QARS1: variants seen among roughly 807,000 people sequenced by gnomAD.
The protein encoded by QARS1 is glutamine--tRNA ligase.
In QARS1, 79 loss-of-function variants were observed where a neutral mutation model predicts 106.9. That is an observed-to-expected ratio of 0.74 (90% CI 0.62 to 0.89). The LOEUF (loss-of-function observed/expected upper bound fraction) is 0.89, where lower values mean the gene tolerates loss of function less well. Ranked by LOEUF, QARS1 falls within the 40% of genes least tolerant of loss-of-function variation. The pLI, the probability that QARS1 is intolerant of heterozygous loss-of-function variation, is 0.00. For missense variants in QARS1, 966 were observed against 997.2 expected, an observed-to-expected ratio of 0.97 and a Z score of 0.42; for synonymous variants, 395 against 367.7, an observed-to-expected ratio of 1.07 and a Z score of -0.85.
At chr3:49,104,153 C>T in intron 2 of QARS1, 171 bp downstream of exon 2, 1 of 1,169,868 alleles carries the variant, frequency 8.5e-7, no homozygotes, top group Non-Finnish European at 1.3e-6. Context: ...CCCCCTCAGA[C>T]CCTGACAGTT....
intron 19 of QARS1, 91 bp downstream of exon 19, chr3:49,098,794 A>G (rs2042426518): frequency 6.7e-7 from 1 of 1,499,546 alleles, no homozygotes; most frequent in African/African-American, 1.4e-5. Flanking sequence ...CATCTGAAGC[A>G]GGAAGTAGAT....
intron 19 of QARS1, 43 bp downstream of exon 19, chr3:49,098,842 C>G: frequency 6.4e-7 from 1 of 1,552,538 alleles, no homozygotes; most frequent in Non-Finnish European, 8.9e-7. Context: ...GTTCCCAGTA[C>G]CAGACTCAGC....
chr3:49,098,018 C>T lies in QARS1; in HGVS notation c.2251G>A (p.Val751Met), dbSNP rs781617872. 9.9e-6 allele frequency: 16 copies of T among 1,614,044 alleles called. No homozygotes were observed. The highest frequency in any genetic ancestry group is 4.4e-5 in the South Asian group (4 of 91,088). ...TTTCCCTGATGGCTGTCTGGATCCA[C>T]GGAGAAATATCCAAGACGCTCAAAC... is the stretch of plus-strand genomic sequence containing the variant. The part of the protein sequence containing the change: ...FQFERLGYFS[V>M]DPDSHQGKLV... The change falls in exon 23 of 24, where the codon GTG becomes ATG. Residue 751 changes from valine (V) to methionine (M), a missense_variant. Val to Met is a conservative substitution (Grantham distance 21, BLOSUM62 1). Transcript: ENST00000306125.
chr3:49,102,669 C>G, intron 5 of QARS1, 197 bp from the exon 6 acceptor site: 1 of 645,316 alleles, frequency 1.5e-6, no homozygotes. Flanking sequence ...AGACTGGAGT[C>G]TTGCTCATGT....
Position 49,100,470 on chromosome 3 carries a change from TGAAA to T in QARS1, c.977-16_977-13del, listed in dbSNP as rs1239278165. The T allele has an allele frequency of 1.9e-6, 3 of 1,613,752 alleles. No homozygotes were observed. The highest frequency in any genetic ancestry group is 1.1e-5 in the South Asian group (1 of 91,080). On this transcript the variant is annotated splice_polypyrimidine_tract_variant and intron_variant, in intron 11 of 23. Coordinates refer to ENST00000306125, the MANE Select transcript of QARS1 (RefSeq NM_005051.3). ...GTAAGGTGTGTAGCCTGGGGCAAAA[TGAAA>T]CAAAGTATGAGCAGCCAGCCACAAA...
intron 4 of QARS1, 86 bp from the exon 5 acceptor site, chr3:49,103,495 A>G (rs1489180749): frequency 7.0e-6 from 11 of 1,579,304 alleles, no homozygotes; most frequent in Non-Finnish European, 8.7e-6. Flanking sequence ...CTGGCTGACC[A>G]CCAGAACCAG....
Position 49,097,981 on chromosome 3 carries a change from A to T in QARS1, c.2277+11T>A, listed in dbSNP as rs1301232869. 2 of 1,613,978 alleles carry T rather than the reference A, an allele frequency of 1.2e-6. No individual in the cohort carries two copies. Among genetic ancestry groups the T allele is most frequent in the Non-Finnish European group, 1.7e-6 (2 of 1,179,994 alleles). On this transcript the variant is annotated intron_variant, in intron 23 of 23. Transcript: ENST00000306125. ...TGCTGCAGATGAGGGCAGGTGAGTA[A>T]AGTCAAGCACCTTTCCCTGATGGCT...
In QARS1 at chr3:49,103,365, TG is replaced by T. The variant is rs2042495600; in HGVS notation, c.495del (p.Lys166ArgfsTer31). On this transcript the variant is annotated frameshift_variant, in exon 5 of 24. Coordinates refer to ENST00000306125, the MANE Select transcript of QARS1 (RefSeq NM_005051.3). LOFTEE classifies it high-confidence loss of function. Reference protein sequence around the residue: ...AVLKWADGKMIKNEVDMQVLH... With the variant: ...AVLKWADGKMXKNEVDMQVLH... ...CTCACCTGCATGTCCACTTCATTCT[TG>T]ATCATTTTGCCATCTGCCCACTTCA... The T allele has an allele frequency of 6.2e-7, 1 of 1,613,964 alleles. No individual in the cohort carries two copies. The highest frequency in any genetic ancestry group is 8.5e-7 in the Non-Finnish European group (1 of 1,180,026).
Position 49,100,054 on chromosome 3 carries a change from G to A in QARS1, c.1202C>T (p.Thr401Ile). 1 of 1,614,194 alleles carries A rather than the reference G, an allele frequency of 6.2e-7. No homozygotes were observed. The highest frequency in any genetic ancestry group is 1.3e-5 in the African/African-American group (1 of 75,036). Residue 401 changes from threonine to isoleucine, a missense_variant, in exon 14 of 24, where the codon ACA (threonine) becomes ATA (isoleucine). Physicochemically the swap from Thr to Ile is moderately conservative, Grantham distance 89. Transcript: ENST00000306125. ...RKGKFSEGEA[T>I]LRMKLVMEDG... ...CTCCATCACCAGCTTCATCCGTAGT[G>A]TGGCCTCGCCCTCTGAAAACTTGCC...
At chr3:49,100,798 C>G in intron 10 of QARS1, 124 bp from the exon 11 acceptor site, 1 of 817,516 alleles carries the variant, frequency 1.2e-6, no homozygotes, top group Non-Finnish European at 2.1e-6. Context: ...GAGATGGAGT[C>G]TTGATTATCT....
chr3:49,102,575 CACTG>C (rs770590992), intron 5 of QARS1, 103 bp from the exon 6 acceptor site: 4 of 1,335,854 alleles, frequency 3.0e-6, no homozygotes, highest in Non-Finnish European at 4.2e-6. Flanking sequence ...TATCTACCAG[CACTG>C]ACTGAAAAAA....
At chr3:49,097,550 A>G (rs1429506430) in intron 23 of QARS1, among the ~76,000 whole-genome samples, 1 of 150,250 alleles carries the variant, frequency 6.7e-6, no homozygotes, top group African/African-American at 2.4e-5. Context: ...TGATCCCAGC[A>G]CTTTGGGAGG....
At chr3:49,098,743 T>G (rs2042425568) in intron 19 of QARS1, 51 bp from the exon 20 acceptor site, 2 of 1,526,430 alleles carry the variant, frequency 1.3e-6, no homozygotes, top group Non-Finnish European at 1.8e-6. Flanking sequence ...GTCAAACAAG[T>G]GGGGAAGCTT....
intron 10 of QARS1, among the ~76,000 whole-genome samples, chr3:49,101,152 A>G (rs1465239708): frequency 6.6e-6 from 1 of 152,212 alleles, no homozygotes; most frequent in Non-Finnish European, 1.5e-5. Context: ...ATTTGAACTC[A>G]CTGACTCCTC....
intron 7 of QARS1, 53 bp from the exon 8 acceptor site, chr3:49,101,952 C>A: frequency 6.4e-7 from 1 of 1,553,704 alleles, no homozygotes; most frequent in East Asian, 2.3e-5. Context: ...TTACCATATC[C>A]TACAGCCAGA....
At position 49,101,632 on chromosome 3, in the gene QARS1, A is replaced by G. The variant is rs1230701724; in HGVS notation, c.777T>C (p.Ile259=). ...CATCCCCACACACCTGCCCACCAGT[A>G]ATCTCCAGGTGCTGCTTTAGTAGAT... ...TMNLLKQHLE[I]TGGQVRTRFP... The change falls in exon 9 of 24, where the codon ATT becomes ATC. Residue 259 remains isoleucine (I), a synonymous_variant. Transcript: ENST00000306125. 4 of 1,613,750 alleles carry G rather than the reference A, an allele frequency of 2.5e-6. No individual in the cohort carries two copies. Among genetic ancestry groups the G allele is most frequent in the Middle Eastern group, 1.7e-4 (1 of 5,760 alleles).
Position 49,100,360 on chromosome 3 carries a change from C to A in QARS1, c.1055+20G>T, listed in dbSNP as rs763569700. ...GACCTAGTCAGTCTGCCTGGCTCTA[C>A]GTCATGGCCCTGGCCTTACCTGCGG... On this transcript the variant is annotated intron_variant, in intron 12 of 23. Coordinates refer to ENST00000306125, the MANE Select transcript of QARS1 (RefSeq NM_005051.3). 5.0e-6 allele frequency: 8 copies of A among 1,614,156 alleles called. No individual in the cohort carries two copies. The Admixed American group carries it at 1.3e-4, about 27-fold the overall frequency.
rs1294758889 is a variant in QARS1 at position 49,099,204 on chromosome 3, G to C, written c.1664C>G (p.Ala555Gly). Reference protein sequence around the residue: ...QTTMEPHLLEACVRDVLNDTA... With the variant: ...QTTMEPHLLEGCVRDVLNDTA... ...GTCATTCAGCACATCACGCACACAG[G>C]CTTCTAGAAGATGTGGCTCCATTGT... The change falls in exon 18 of 24, where the codon GCC (alanine) becomes GGC (glycine). Residue 555 changes from alanine (A) to glycine (G), a missense_variant. Ala to Gly is a moderately conservative substitution (Grantham distance 60, BLOSUM62 0). Transcript: ENST00000306125. 3.1e-6 allele frequency: 5 copies of C among 1,614,168 alleles called. No individual in the cohort carries two copies. Among genetic ancestry groups the C allele is most frequent in the African/African-American group, 1.3e-5 (1 of 75,032 alleles).
chr3:49,104,168 T>C, intron 2 of QARS1, 156 bp downstream of exon 2: 2 of 1,215,994 alleles, frequency 1.6e-6, no homozygotes, highest in South Asian at 1.2e-5. Flanking sequence ...ACAGTTCCCG[T>C]GTCAGTCTCA....
Sources: allele counts gnomAD v4.1 joint callset (sites outside exome capture counted in the v4.1 genomes callset), GRCh38; gene constraint gnomAD v4.1.1; transcripts MANE v1.5; gene names NCBI Gene and HGNC (gene_info 2026-07-23, HGNC 2026-07-21).